Variants in CD9 observed in about 807,000 individuals in gnomAD.
The protein encoded by CD9 is CD9 molecule, also known as CD9 antigen.
Under a neutral mutation model 31.4 loss-of-function variants are expected in CD9, and 10 were observed. The observed-to-expected ratio is 0.32, with a 90% CI of 0.20 to 0.54. The LOEUF is 0.54. CD9 is among the 20% of genes least tolerant of loss of function. The probability of loss-of-function intolerance (pLI) is 0.94; values close to 1 mark genes in which losing one functional copy is unlikely to be tolerated. For missense variants in CD9, 259 were observed against 300.1 expected, an observed-to-expected ratio of 0.86 and a Z score of 1.01; for synonymous variants, 113 against 114.1, an observed-to-expected ratio of 0.99 and a Z score of 0.06.
At position 6,237,929 on chromosome 12, in the gene CD9, T is replaced by G; in HGVS notation, c.*101T>G. On this transcript the variant is annotated 3_prime_UTR_variant, in exon 8 of 8. Coordinates refer to ENST00000009180, the MANE Select transcript of CD9 (RefSeq NM_001769.4). ...GTTTGTTGTTTGTTGTTTGTTTTTT[T>G]GCCACTAATTTTAGTATTCATTCTG... The G allele has an allele frequency of 1.1e-6, 1 of 897,028 alleles. No individual in the cohort carries two copies. Among genetic ancestry groups the G allele is most frequent in the South Asian group, 1.5e-5 (1 of 67,364 alleles). The allele number at this position is 897,028 out of a possible 1,614,324, so 55.6% of individuals were successfully genotyped here.
intron 1 of CD9, among the ~76,000 whole-genome samples, chr12:6,203,804 C>G (rs1046767973): frequency 7.2e-5 from 11 of 152,130 alleles, no homozygotes; most frequent in African/African-American, 2.7e-4. Context: ...TAGGGCCAGT[C>G]CAGTCTGACA....
At chr12:6,234,999 G>C (rs1228134866) in intron 4 of CD9, among the ~76,000 whole-genome samples, 1 of 152,234 alleles carries the variant, frequency 6.6e-6, no homozygotes, top group Non-Finnish European at 1.5e-5. Flanking sequence ...GTAAGGGACA[G>C]GGAGAAACAG....
intron 2 of CD9, among the ~76,000 whole-genome samples, chr12:6,229,353 C>G (rs1266322462): frequency 6.6e-6 from 1 of 152,212 alleles, no homozygotes; most frequent in African/African-American, 2.4e-5. Context: ...GGCTTGTGAC[C>G]TGGGGCAGTT....
At chr12:6,224,160 T>A (rs1287856287) in intron 1 of CD9, among the ~76,000 whole-genome samples, 1 of 152,120 alleles carries the variant, frequency 6.6e-6, no homozygotes, top group Non-Finnish European at 1.5e-5. Flanking sequence ...CAGAGCCCAT[T>A]TGGTACCTTC....
rs185481533 is a variant in CD9, at chr12:6,208,020, T to A, written c.66+7455T>A. Among the ~76,000 whole-genome samples the A allele has an allele frequency of 5.9e-3, 888 of 151,074 alleles. 9 individuals carry two copies. Among genetic ancestry groups the A allele is most frequent in the African/African-American group, 0.02 (816 of 41,118 alleles). On this transcript the variant is annotated intron_variant, in intron 1 of 7. Transcript: ENST00000009180. ...CAGGCGGATCACCTGAGGTTGGGAG[T>A]TTGAGACCAGCCTGGCCAACATGGA...
chr12:6,200,409 C>T lies in CD9; in HGVS notation c.-91C>T, dbSNP rs1946061327. The T allele has an allele frequency of 1.2e-6, 1 of 818,342 alleles. No individual in the cohort carries two copies. Among genetic ancestry groups the T allele is most frequent in the Non-Finnish European group, 2.1e-6 (1 of 465,322 alleles). The allele number at this position is 818,342 out of a possible 1,614,324, so 50.7% of individuals were successfully genotyped here. ...CCGGAGACCAGCCTACAGCCGCCTG[C>T]ATCTGTATCCAGCGCCAGGTCCCGC... On this transcript the variant is annotated 5_prime_UTR_variant, in exon 1 of 8. Transcript: ENST00000009180.
At chr12:6,222,534 G>A (rs1053951417) in intron 1 of CD9, among the ~76,000 whole-genome samples, 61 of 152,172 alleles carry the variant, frequency 4.0e-4, no homozygotes, top group Admixed American at 2.2e-3. Context: ...GGTGGGGTCC[G>A]AATGCGGGGG....
In CD9 at chr12:6,233,473, C is replaced by T. The variant is rs1424539010; in HGVS notation, c.335C>T (p.Ser112Phe). 1 of 1,613,300 alleles carries T rather than the reference C, an allele frequency of 6.2e-7. No homozygotes were observed. The highest frequency in any genetic ancestry group is 1.1e-5 in the South Asian group (1 of 91,060). The change falls in exon 4 of 8, where the codon TCC becomes TTC. Residue 112 changes from serine to phenylalanine, a missense_variant. Physicochemically the swap from Ser to Phe is radical, Grantham distance 155. Coordinates refer to ENST00000009180, the MANE Select transcript of CD9 (RefSeq NM_001769.4). ...IEIAAAIWGY[S>F]HKDEVIKEVQ... The stretch of plus-strand genomic sequence containing the variant: ...ATAGCTGCGGCCATCTGGGGATATT[C>T]CCACAAGGATGAGGTAGGTTTTTCC...
At chr12:6,227,754 T>TAGGAATGGA (rs1946388664) in intron 2 of CD9, among the ~76,000 whole-genome samples, 1 of 152,132 alleles carries the variant, frequency 6.6e-6, no homozygotes, top group African/African-American at 2.4e-5. Context: ...TCTCCCTCTG[T>TAGGAATGGA]AGGAATGGAA....
chr12:6,223,261 C>CTTT (rs11307227), intron 1 of CD9, among the ~76,000 whole-genome samples: 2 of 133,190 alleles, frequency 1.5e-5, no homozygotes, highest in African/African-American at 5.8e-5. Context: ...CACCTTTGTA[C>CTTT]TTTTTTTTTT....
At chr12:6,209,260 C>G (rs755564097) in intron 1 of CD9, among the ~76,000 whole-genome samples, 1 of 152,126 alleles carries the variant, frequency 6.6e-6, no homozygotes, top group Non-Finnish European at 1.5e-5. Flanking sequence ...GCACCGGGCT[C>G]GTCGTAGCTT....
Position 6,237,852 on chromosome 12 carries a change from GA to G in CD9, c.*27del. 6.4e-7 allele frequency: 1 copy of G among 1,565,110 alleles called. No homozygotes were observed. Among genetic ancestry groups the G allele is most frequent in the Non-Finnish European group, 8.8e-7 (1 of 1,136,170 alleles). On this transcript the variant is annotated 3_prime_UTR_variant, in exon 8 of 8. Transcript: ENST00000009180. ...AGAGTCAGCTTACATCCCTGAGCAG[GA>G]AAGTTTACCCATGAAGATTGGTGGG...
At chr12:6,201,513 G>A (rs937279160) in intron 1 of CD9, among the ~76,000 whole-genome samples, 1 of 152,234 alleles carries the variant, frequency 6.6e-6, no homozygotes, top group Non-Finnish European at 1.5e-5. Flanking sequence ...AGGCCAGCGG[G>A]GCCAGGAGCT....
chr12:6,221,248 A>G (rs1946288775), intron 1 of CD9, among the ~76,000 whole-genome samples: 1 of 152,248 alleles, frequency 6.6e-6, no homozygotes, highest in Non-Finnish European at 1.5e-5. Context: ...CAGCAAAACC[A>G]GAATGTTTCC....
chr12:6,200,604 C>CACCT (rs1946064006), intron 1 of CD9, 39 bp downstream of exon 1: 1 of 1,449,116 alleles, frequency 6.9e-7, no homozygotes, highest in Non-Finnish European at 9.7e-7. Flanking sequence ...TCTCAGGGCC[C>CACCT]ACCTGTTCGC....
chr12:6,234,186 CT>C (rs1946486901), intron 4 of CD9, among the ~76,000 whole-genome samples: 1 of 151,582 alleles, frequency 6.6e-6, no homozygotes, highest in African/African-American at 2.4e-5. Flanking sequence ...CATGGCTGAG[CT>C]TGGGCTTACG....
chr12:6,214,134 T>A (rs10774417), intron 1 of CD9, among the ~76,000 whole-genome samples: 15,476 of 152,072 alleles, frequency 0.1, 833 homozygotes, highest in African/African-American at 0.15. Context: ...TTCCTGGCTG[T>A]GTCTTTTTGA....
chr12:6,231,471 A>G (rs1178245335), intron 2 of CD9, among the ~76,000 whole-genome samples: 1 of 152,236 alleles, frequency 6.6e-6, no homozygotes, highest in Non-Finnish European at 1.5e-5. Context: ...AGGGAGGCAC[A>G]GAGACTTTGC....
At position 6,232,622 on chromosome 12, in the gene CD9, C is replaced by T; in HGVS notation, c.176-10C>T. 1 of 1,544,236 alleles carries T rather than the reference C, an allele frequency of 6.5e-7. No individual in the cohort carries two copies. Among genetic ancestry groups the T allele is most frequent in the Non-Finnish European group, 8.8e-7 (1 of 1,140,106 alleles). The stretch of plus-strand genomic sequence containing the variant: ...CTCCACGCGTGTGTGCTTCCTCTGT[C>T]CTCCCGCAGGAGTCTATATTCTGAT... On this transcript the variant is annotated splice_polypyrimidine_tract_variant and intron_variant, in intron 2 of 7. Transcript: ENST00000009180. This position sits in a 1 kb window ranked among gnomAD's most constrained non-coding sequence, Gnocchi z 4.8.
Sources: allele counts gnomAD v4.1 joint callset (sites outside exome capture counted in the v4.1 genomes callset), GRCh38; gene constraint gnomAD v4.1.1; non-coding constraint Gnocchi (gnomAD v3.1); transcripts MANE v1.5; gene names NCBI Gene and HGNC (gene_info 2026-07-23, HGNC 2026-07-21).